NPIPB15: variants seen among roughly 807,000 people sequenced by gnomAD.
NPIPB15 encodes the protein nuclear pore complex-interacting protein family member B15.
In NPIPB15, 5 loss-of-function variants were observed where a neutral mutation model predicts 35.9. That is an observed-to-expected ratio of 0.14 (90% CI 0.07 to 0.29). The LOEUF (loss-of-function observed/expected upper bound fraction) is 0.29. Ranked by LOEUF, NPIPB15 falls within the 10% of genes least tolerant of loss-of-function variation. The probability of loss-of-function intolerance (pLI) is 1.00; values close to 1 mark genes in which losing one functional copy is unlikely to be tolerated. For synonymous variants in NPIPB15, 43 were observed against 182.0 expected (o/e 0.24, Z 6.15); for missense variants, 100 against 506.1 (o/e 0.20, Z 7.70).
chr16:74,382,612 C>G (rs1354697565), intron 3 of NPIPB15, among the ~76,000 whole-genome samples: 4 of 152,268 alleles, frequency 2.6e-5, no homozygotes, highest in African/African-American at 9.6e-5. Context: ...AAGTTGAGCT[C>G]TACATTTTGT....
At position 74,382,906 on chromosome 16, in the gene NPIPB15, C is replaced by CTTTTTT. The variant is rs1207851456; in HGVS notation, c.249+1224_249+1229dup. On this transcript the variant is annotated intron_variant, in intron 3 of 7. Transcript: ENST00000692376. ...AATTTTTGGTATAAATTGGAGGAAG[C>CTTTTTT]TTTTTTTTTTTTTTTTTTTTTCTTT... 2.0e-3 allele frequency among the ~76,000 whole-genome samples: 231 copies of CTTTTTT among 115,770 alleles called. 2 individuals carry two copies. Among genetic ancestry groups the CTTTTTT allele is most frequent in the East Asian group, 3.1e-3 (10 of 3,226 alleles). The allele number at this position is 115,770 out of a possible 152,430, so 75.9% of individuals were successfully genotyped here. A position where few individuals can be genotyped will look rare whatever the true frequency, so the allele number is the denominator to read the frequency against.
chr16:74,379,701 T>C (rs1411897292), intron 2 of NPIPB15, among the ~76,000 whole-genome samples: 2 of 152,200 alleles, frequency 1.3e-5, no homozygotes, highest in Middle Eastern at 3.4e-3. Flanking sequence ...GTGATTCTTC[T>C]GCCTCAGCCT....
At chr16:74,387,885 C>CATGA (rs1245532752) in intron 5 of NPIPB15, among the ~76,000 whole-genome samples, 1 of 151,458 alleles carries the variant, frequency 6.6e-6, no homozygotes, top group Non-Finnish European at 1.5e-5. Context: ...GGATCAGGAC[C>CATGA]ATGAATCAAG....
chr16:74,378,200 G>A (rs377019078), intron 2 of NPIPB15, among the ~76,000 whole-genome samples, 161 bp downstream of exon 2: 20 of 151,400 alleles, frequency 1.3e-4, no homozygotes, highest in Non-Finnish European at 8.8e-5. Flanking sequence ...GCATCATGGC[G>A]AAACCCCATC....
At chr16:74,384,734 T>C (rs2012173338) in intron 3 of NPIPB15, among the ~76,000 whole-genome samples, 1 of 133,554 alleles carries the variant, frequency 7.5e-6, no homozygotes, top group African/African-American at 2.9e-5. Flanking sequence ...AGGTTTGGAG[T>C]GCAATGGCAC....
chr16:74,380,213 G>T (rs1390131210), intron 2 of NPIPB15, among the ~76,000 whole-genome samples: 5 of 151,968 alleles, frequency 3.3e-5, no homozygotes, highest in East Asian at 2.0e-4. Context: ...TTGGAGACCA[G>T]CCTGGCCAAG....
At chr16:74,388,197 A>G (rs1197104151) in intron 5 of NPIPB15, 3 of 741,934 alleles carry the variant, frequency 4.0e-6, no homozygotes, top group Non-Finnish European at 4.9e-6. Flanking sequence ...TAATGACACC[A>G]TATTCTGGAA....
intron 2 of NPIPB15, among the ~76,000 whole-genome samples, chr16:74,380,023 A>G (rs1407577504): frequency 1.8e-4 from 27 of 150,172 alleles, no homozygotes; most frequent in Admixed American, 6.0e-4. Flanking sequence ...AGAGAGAAGT[A>G]TTATTTAGAG....
chr16:74,384,821 AC>A (rs2012178805), intron 3 of NPIPB15, among the ~76,000 whole-genome samples: 1 of 151,738 alleles, frequency 6.6e-6, no homozygotes, highest in East Asian at 2.0e-4. Flanking sequence ...AGCTGGGATT[AC>A]AGGCATGCAC....
intron 2 of NPIPB15, among the ~76,000 whole-genome samples, chr16:74,379,971 T>TA (rs1555500441): frequency 1.1e-4 from 16 of 145,984 alleles, no homozygotes; most frequent in Non-Finnish European, 1.8e-4. Context: ...TTTTTTTTTT[T>TA]ACTTATGCTG....
At chr16:74,379,730 T>C (rs2011881139) in intron 2 of NPIPB15, among the ~76,000 whole-genome samples, 1 of 152,082 alleles carries the variant, frequency 6.6e-6, no homozygotes, top group Middle Eastern at 3.2e-3. Context: ...GCTGGAACTA[T>C]AGGCACGTGC....
intron 5 of NPIPB15, among the ~76,000 whole-genome samples, chr16:74,387,653 C>T (rs2012347159): frequency 1.3e-5 from 2 of 152,142 alleles, no homozygotes; most frequent in South Asian, 4.1e-4. Context: ...AAACTGTGAG[C>T]TTCTTTAGCG....
rs2011670509 is a variant in NPIPB15, at chr16:74,376,474, G to A, written c.-895G>A. On this transcript the variant is annotated 5_prime_UTR_variant, in exon 1 of 8. It removes an upstream start codon present in the reference 5' UTR. Coordinates refer to ENST00000692376, the MANE Select transcript of NPIPB15 (RefSeq NM_001306094.2). ...GAGCTCCCCACCCATCACACATGATGCTGCCAAGCCCTCTGGGTATTGTGG... is the reference window on the plus strand; with the variant it reads ...GAGCTCCCCACCCATCACACATGATACTGCCAAGCCCTCTGGGTATTGTGG... Among the ~76,000 whole-genome samples, 3 of 149,668 alleles carry A rather than the reference G, an allele frequency of 2.0e-5. No individual in the cohort carries two copies. The highest frequency in any genetic ancestry group is 4.4e-5 in the Non-Finnish European group (3 of 67,514).
At chr16:74,380,120 TAAC>T (rs1219788857) in intron 2 of NPIPB15, among the ~76,000 whole-genome samples, 3 of 149,390 alleles carry the variant, frequency 2.0e-5, no homozygotes, top group African/African-American at 7.3e-5. Context: ...AAAGAAAAGA[TAAC>T]TACTGGCCAG....
Position 74,376,741 on chromosome 16 carries a change from C to T in NPIPB15, c.-628C>T, listed in dbSNP as rs1467978153. On this transcript the variant is annotated 5_prime_UTR_variant, in exon 1 of 8. Coordinates refer to ENST00000692376, the MANE Select transcript of NPIPB15 (RefSeq NM_001306094.2). ...GATTTGAGATCACACAACCTTGTGC[C>T]ACAAAGAGGAATTCCCAGGCCAGGG... Among the ~76,000 whole-genome samples, 1 of 151,644 alleles carries T rather than the reference C, an allele frequency of 6.6e-6. No individual in the cohort carries two copies. Among genetic ancestry groups the T allele is most frequent in the Non-Finnish European group, 1.5e-5 (1 of 67,938 alleles).
Position 74,381,583 on chromosome 16 carries a change from C to G in NPIPB15, c.134C>G (p.Pro45Arg). The change falls in exon 3 of 8, where the codon CCT becomes CGT. Residue 45 changes from proline (P) to arginine (R), a missense_variant. By Grantham distance (103) the Pro-to-Arg change is moderately radical (BLOSUM62 -2). Transcript: ENST00000692376. ...TTTGGTGTAGGAGTTCGAGACCACC[C>G]TGGCCAACATGGCAAAACCCCATCT... is the stretch of plus-strand genomic sequence containing the variant. The part of the protein sequence containing the change: ...TDFGVGVRDH[P>R]GQHGKTPSPQ... The G allele has an allele frequency of 6.4e-7, 1 of 1,567,798 alleles. No individual in the cohort carries two copies. Among genetic ancestry groups the G allele is most frequent in the Non-Finnish European group, 8.6e-7 (1 of 1,160,826 alleles).
intron 5 of NPIPB15, among the ~76,000 whole-genome samples, chr16:74,388,964 A>G (rs2012414063): frequency 6.7e-6 from 1 of 149,620 alleles, no homozygotes; most frequent in East Asian, 2.0e-4. Flanking sequence ...TTCACAAAAC[A>G]GAAAACAAAG....
intron 3 of NPIPB15, among the ~76,000 whole-genome samples, chr16:74,384,668 AT>A (rs1186582416): frequency 6.8e-4 from 42 of 61,580 alleles, no homozygotes; most frequent in Admixed American, 1.6e-3. Context: ...CACCTGGCCT[AT>A]TTTTTTTTTT....
intron 3 of NPIPB15, among the ~76,000 whole-genome samples, chr16:74,384,668 ATTTTTTTTTTTTTTT>A (rs1186582416): frequency 1.6e-5 from 1 of 61,552 alleles, no homozygotes; most frequent in Non-Finnish European, 3.0e-5. Flanking sequence ...CACCTGGCCT[ATTTTTTTTTTTTTTT>A]TTTTTTTTTT....
Sources: allele counts gnomAD v4.1 joint callset (sites outside exome capture counted in the v4.1 genomes callset), GRCh38; gene constraint gnomAD v4.1.1; transcripts MANE v1.5; gene names NCBI Gene and HGNC (gene_info 2026-07-23, HGNC 2026-07-21).